The following EPHA6 variants were observed in gnomAD, a reference collection of about 807,000 sequenced individuals.
EPHA6 encodes the protein ephrin type-A receptor 6.
Under a neutral mutation model 112.0 loss-of-function variants are expected in EPHA6, and 50 were observed. That is an observed-to-expected ratio of 0.45 (90% CI 0.36 to 0.56). The LOEUF (loss-of-function observed/expected upper bound fraction) is 0.56. Among genes scored for constraint, EPHA6 ranks in the 20% least tolerant of loss-of-function variants. The probability of loss-of-function intolerance (pLI) is 0.00; values close to 1 mark genes in which losing one functional copy is unlikely to be tolerated. For missense variants in EPHA6, 1,280 were observed against 1,417.4 expected (o/e 0.90, Z 1.56); for synonymous variants, 529 against 490.7 (o/e 1.08, Z -1.03).
At chr3:97,237,480 G>A (rs1432915981) in intron 4 of EPHA6, among the ~76,000 whole-genome samples, 1 of 151,886 alleles carries the variant, frequency 6.6e-6, no homozygotes. Context: ...CCATTCTGCT[G>A]ATGTTGGAGA....
chr3:97,025,192 A>G (rs1352579667), intron 3 of EPHA6, among the ~76,000 whole-genome samples: 1 of 152,240 alleles, frequency 6.6e-6, no homozygotes, highest in African/African-American at 2.4e-5. Flanking sequence ...GAGATTTAGT[A>G]AAGCACCTCT....
chr3:97,388,665 C>A (rs974805483), intron 5 of EPHA6, among the ~76,000 whole-genome samples: 1 of 152,112 alleles, frequency 6.6e-6, no homozygotes, highest in Non-Finnish European at 1.5e-5. Context: ...TCCTCGGCTA[C>A]TAAACTGGGG....
chr3:96,895,712 G>A (rs2038233252), intron 2 of EPHA6, among the ~76,000 whole-genome samples: 1 of 152,128 alleles, frequency 6.6e-6, no homozygotes, highest in Non-Finnish European at 1.5e-5. Flanking sequence ...ATTTACTGTT[G>A]TGTTACAATA....
chr3:97,502,964 A>C (rs949101892), intron 10 of EPHA6, among the ~76,000 whole-genome samples: 1 of 151,860 alleles, frequency 6.6e-6, no homozygotes. Flanking sequence ...AATACTAATA[A>C]AATTTTCAAA....
At chr3:96,922,612 T>C (rs943082311) in intron 2 of EPHA6, among the ~76,000 whole-genome samples, 3 of 152,206 alleles carry the variant, frequency 2.0e-5, no homozygotes, top group African/African-American at 7.2e-5. Context: ...ATATTTGTAA[T>C]CATTAAATCA....
intron 2 of EPHA6, among the ~76,000 whole-genome samples, chr3:96,974,028 T>C (rs2042421133): frequency 6.9e-6 from 1 of 144,820 alleles, no homozygotes; most frequent in South Asian, 2.1e-4. Context: ...ATATAAAATA[T>C]GTTATTAATA....
At position 97,201,497 on chromosome 3, in the gene EPHA6, G is replaced by A. The variant is rs116388303; in HGVS notation, c.1115-24767G>A. On this transcript the variant is annotated intron_variant, in intron 3 of 17. Coordinates refer to ENST00000389672, the MANE Select transcript of EPHA6 (RefSeq NM_001080448.3). ...TGCTTTTATCCTGTAAGCAATTTTT[G>A]CAGGTCACCTGATTCACATTAGCTA... 5.2e-3 allele frequency among the ~76,000 whole-genome samples: 784 copies of A among 152,126 alleles called. 6 individuals are homozygous for A. Among genetic ancestry groups the A allele is most frequent in the African/African-American group, 0.018 (759 of 41,532 alleles).
At chr3:97,332,853 G>T (rs888317787) in intron 5 of EPHA6, among the ~76,000 whole-genome samples, 1 of 151,864 alleles carries the variant, frequency 6.6e-6, no homozygotes, top group African/African-American at 2.4e-5. Context: ...TACACTGTCT[G>T]GTTTACTTTA....
At chr3:97,661,489 A>G (rs2094169462) in intron 14 of EPHA6, among the ~76,000 whole-genome samples, 1 of 152,168 alleles carries the variant, frequency 6.6e-6, no homozygotes, top group African/African-American at 2.4e-5. Flanking sequence ...TCTATTTTTA[A>G]GTAAAATAAT....
intron 3 of EPHA6, among the ~76,000 whole-genome samples, chr3:97,154,005 A>G (rs1175287044): frequency 6.6e-6 from 1 of 151,952 alleles, no homozygotes; most frequent in Non-Finnish European, 1.5e-5. Context: ...ATCTCTACTG[A>G]AAATACAAAA....
At chr3:97,616,636 T>C (rs1023002685) in intron 13 of EPHA6, among the ~76,000 whole-genome samples, 6 of 151,982 alleles carry the variant, frequency 3.9e-5, no homozygotes, top group African/African-American at 1.5e-4. Flanking sequence ...CATAATGTAA[T>C]CACAAGTATT....
chr3:97,542,153 A>G lies in EPHA6; in HGVS notation c.2386+9610A>G, dbSNP rs544905447. ...CATGTGCACAATGTGCACCTTTGTT[A>G]CATACGTATACATGTGCCATGTTGG... On this transcript the variant is annotated intron_variant, in intron 11 of 17. Coordinates refer to ENST00000389672, the MANE Select transcript of EPHA6 (RefSeq NM_001080448.3). Among the ~76,000 whole-genome samples, 212 of 150,928 alleles carry G rather than the reference A, an allele frequency of 1.4e-3. 1 individual carries two copies. Among genetic ancestry groups the G allele is most frequent in the Non-Finnish European group, 2.1e-4 (14 of 67,798 alleles).
intron 3 of EPHA6, among the ~76,000 whole-genome samples, chr3:97,035,234 T>G (rs2045042526): frequency 6.6e-6 from 1 of 151,940 alleles, no homozygotes; most frequent in Non-Finnish European, 1.5e-5. Context: ...CACTGTTATT[T>G]TATCTAACTC....
At chr3:97,189,701 T>G (rs1340240477) in intron 3 of EPHA6, among the ~76,000 whole-genome samples, 1 of 152,124 alleles carries the variant, frequency 6.6e-6, no homozygotes, top group Non-Finnish European at 1.5e-5. Flanking sequence ...ATTATTAGGT[T>G]TTTATTCAAG....
At chr3:97,227,754 C>CA (rs112668382) in intron 4 of EPHA6, among the ~76,000 whole-genome samples, 1 of 152,018 alleles carries the variant, frequency 6.6e-6, no homozygotes, top group Admixed American at 6.5e-5. Flanking sequence ...GACCCATGTA[C>CA]AAAAAAATGG....
intron 3 of EPHA6, among the ~76,000 whole-genome samples, chr3:97,190,068 T>G (rs967589443): frequency 1.3e-5 from 2 of 152,016 alleles, no homozygotes. Context: ...TTATAGATAG[T>G]GGATACAGTA....
In EPHA6 at chr3:97,164,317, A is replaced by G. The variant is rs201213282; in HGVS notation, c.1115-61947A>G. Reference sequence around the variant, plus strand: ...TAGCATCTTTAAATCTAATCCTATCATATTATTTGCCTCCACGTAACCACA... The same window carrying G: ...TAGCATCTTTAAATCTAATCCTATCGTATTATTTGCCTCCACGTAACCACA... On this transcript the variant is annotated intron_variant, in intron 3 of 17. Transcript: ENST00000389672. Among the ~76,000 whole-genome samples, 31 of 152,248 alleles carry G rather than the reference A, an allele frequency of 2.0e-4. No homozygotes were observed. The East Asian group carries it at 5.6e-3, about 28-fold the overall frequency.
At chr3:97,160,605 A>G (rs1379551267) in intron 3 of EPHA6, among the ~76,000 whole-genome samples, 1 of 152,006 alleles carries the variant, frequency 6.6e-6, no homozygotes, top group Non-Finnish European at 1.5e-5. Context: ...TTACCCATTC[A>G]GAGAGGTCTA....
At chr3:96,846,577 G>C (rs1022224089) in intron 1 of EPHA6, among the ~76,000 whole-genome samples, 1 of 151,972 alleles carries the variant, frequency 6.6e-6, no homozygotes, top group Non-Finnish European at 1.5e-5. Context: ...AAATCATTAA[G>C]TAATTTTGTA....
Sources: gnomAD v4.1 joint callset for allele counts (sites outside exome capture counted in the v4.1 genomes callset) on GRCh38, gnomAD v4.1.1 for gene constraint, MANE v1.5 for transcripts, NCBI Gene and HGNC (gene_info 2026-07-23, HGNC 2026-07-21) for gene names.